DCLRE1C: variants seen among roughly 807,000 people sequenced by gnomAD.
The protein encoded by DCLRE1C is protein artemis.
In DCLRE1C, 47 loss-of-function variants were observed where a neutral mutation model predicts 61.4. The observed-to-expected ratio is 0.77, with a 90% CI of 0.61 to 0.98. DCLRE1C has a LOEUF of 0.98. Ranked by LOEUF, DCLRE1C falls within the 50% of genes least tolerant of loss-of-function variation. The pLI is 0.00. For synonymous variants in DCLRE1C, 337 were observed against 287.6 expected (o/e 1.17, Z -1.74); for missense variants, 858 against 816.0 (o/e 1.05, Z -0.63).
At chr10:14,920,420 G>A in intron 12 of DCLRE1C, 2 of 1,011,454 alleles carry the variant, frequency 2.0e-6, no homozygotes, top group Non-Finnish European at 2.4e-6. Context: ...CCTCCTGGCA[G>A]ATTCCGGGAA....
Position 14,906,143 on chromosome 10 carries a change from G to A in DCLRE1C, c.*2265C>T, listed in dbSNP as rs866811047. On this transcript the variant is annotated 3_prime_UTR_variant, in exon 14 of 14. Transcript: ENST00000378278. ...CATGGTCTCTGAAGCCAAACTGCCT[G>A]TGTTTGAATTCTGCCTGTGCCTCAT... Among the ~76,000 whole-genome samples, 1 of 152,206 alleles carries A rather than the reference G, an allele frequency of 6.6e-6. No individual in the cohort carries two copies. The highest frequency in any genetic ancestry group is 1.5e-5 in the Non-Finnish European group (1 of 68,038).
At chr10:14,930,298 T>A (rs1838762167) in intron 9 of DCLRE1C, among the ~76,000 whole-genome samples, 1 of 146,902 alleles carries the variant, frequency 6.8e-6, no homozygotes. Flanking sequence ...TTTTTTTTTT[T>A]TTTTTTGTAT....
intron 11 of DCLRE1C, 85 bp from the exon 12 acceptor site, chr10:14,923,154 A>T: frequency 9.8e-7 from 1 of 1,023,650 alleles, no homozygotes; most frequent in Non-Finnish European, 1.5e-6. Flanking sequence ...GGGGAAAGAG[A>T]AGCAGAACTC....
rs900953120 is a variant in DCLRE1C, at chr10:14,907,290, C to T, written c.*1118G>A. 6.7e-6 allele frequency among the ~76,000 whole-genome samples: 1 copy of T among 150,140 alleles called. No homozygotes were observed. Among genetic ancestry groups the T allele is most frequent in the Non-Finnish European group, 1.5e-5 (1 of 67,728 alleles). On this transcript the variant is annotated 3_prime_UTR_variant, in exon 14 of 14. Coordinates refer to ENST00000378278, the MANE Select transcript of DCLRE1C (RefSeq NM_001033855.3). ...ATTTTGTCTATAGCCATCAGTTTAT[C>T]ATACTAGATCCAAGTTTGTCAATTT... is the stretch of plus-strand genomic sequence containing the variant.
chr10:14,934,507 C>T lies in DCLRE1C; in HGVS notation c.551G>A (p.Ser184Asn). Residue 184 changes from serine to asparagine, a missense_variant, in exon 8 of 14, where the codon AGT becomes AAT. By Grantham distance (46) the Ser-to-Asn change is conservative. Transcript: ENST00000378278. ...GCTTCGGACCAGCTCTAAGACTCCACTTAAACACTCCTCCTAGACAGGATT... is the reference window on the plus strand; with the variant it reads ...GCTTCGGACCAGCTCTAAGACTCCATTTAAACACTCCTCCTAGACAGGATT... ...YQIPSREECL[S>N]GVLELVRSWI... 1 of 1,614,138 alleles carries T rather than the reference C, an allele frequency of 6.2e-7. No individual in the cohort carries two copies. The highest frequency in any genetic ancestry group is 8.5e-7 in the Non-Finnish European group (1 of 1,180,026).
chr10:14,920,555 T>G, intron 12 of DCLRE1C: 28 of 258,578 alleles, frequency 1.1e-4, no homozygotes, highest in South Asian at 1.4e-4. Context: ...TCTGGATCCA[T>G]CCCCTTCAAC....
chr10:14,945,471 G>C, intron 2 of DCLRE1C: 1 of 1,171,142 alleles, frequency 8.5e-7, no homozygotes, highest in Non-Finnish European at 1.1e-6. Context: ...AGAGCACAAG[G>C]TGGGGGTGGA....
chr10:14,926,458 C>A (rs907919085), intron 11 of DCLRE1C, among the ~76,000 whole-genome samples: 9 of 152,078 alleles, frequency 5.9e-5, no homozygotes, highest in African/African-American at 1.7e-4. Flanking sequence ...TCAAAACCAG[C>A]CTGGCCAATG....
In DCLRE1C at chr10:14,947,920, G is replaced by A. The variant is rs576896879; in HGVS notation, c.161+1116C>T. On this transcript the variant is annotated intron_variant, in intron 2 of 13. Transcript: ENST00000378278. Reference sequence around the variant, plus strand: ...CCGAAAATACAAAAAGTAGCTGGGCGTGGTGGTGGGTGCCTGTAATCCCAG... The same window carrying A: ...CCGAAAATACAAAAAGTAGCTGGGCATGGTGGTGGGTGCCTGTAATCCCAG... Among the ~76,000 whole-genome samples the A allele has an allele frequency of 8.1e-4, 123 of 152,234 alleles. 2 individuals are homozygous for A. Among genetic ancestry groups the A allele is most frequent in the Non-Finnish European group, 1.5e-3 (99 of 68,022 alleles).
intron 4 of DCLRE1C, 114 bp downstream of exon 4, chr10:14,939,696 G>C (rs1453512723): frequency 1.2e-6 from 1 of 851,168 alleles, no homozygotes. Context: ...CAAAGAGAAA[G>C]ATTGAGGGTA....
chr10:14,902,717 T>G (rs1024247221), downstream of DCLRE1C: 1 of 392,078 alleles, frequency 2.6e-6, no homozygotes, highest in Non-Finnish European at 4.7e-6. Context: ...GTCGACATAT[T>G]TATAGTGCTT....
At chr10:14,923,895 A>G (rs1442096793) in intron 11 of DCLRE1C, among the ~76,000 whole-genome samples, 4 of 152,206 alleles carry the variant, frequency 2.6e-5, no homozygotes, top group African/African-American at 9.6e-5. Context: ...GAAAAGACCA[A>G]GCAAGATCAA....
chr10:14,933,434 C>T (rs1193280326), intron 8 of DCLRE1C, among the ~76,000 whole-genome samples: 1 of 152,124 alleles, frequency 6.6e-6, no homozygotes, highest in Admixed American at 6.5e-5. Flanking sequence ...GTCAGGAGAT[C>T]GAGACCAGCC....
exon 14 of DCLRE1C, chr10:14,898,322 A>G (rs1400490931): frequency 6.7e-6 from 1 of 149,266 alleles, no homozygotes; most frequent in Non-Finnish European, 1.5e-5. Flanking sequence ...ACCGAGATTC[A>G]AAGCTCTAAA....
upstream of DCLRE1C, chr10:14,954,346 G>A: frequency 2.4e-6 from 1 of 421,490 alleles, no homozygotes; most frequent in Non-Finnish European, 4.4e-6. Flanking sequence ...GTCGCGGGAA[G>A]GGAAATCGAA....
chr10:14,898,850 T>TA (rs1833787996), exon 14 of DCLRE1C: 1 of 188,428 alleles, frequency 5.3e-6, no homozygotes, highest in African/African-American at 2.3e-5. Context: ...AATTTTCCAT[T>TA]TGTAACTGCA....
At chr10:14,920,827 CA>C (rs918396563) in intron 12 of DCLRE1C, among the ~76,000 whole-genome samples, 3 of 152,018 alleles carry the variant, frequency 2.0e-5, no homozygotes, top group Admixed American at 1.3e-4. Context: ...ATTAAAAATA[CA>C]AATATTAGCC....
intron 13 of DCLRE1C, among the ~76,000 whole-genome samples, chr10:14,910,832 T>A (rs1374308829): frequency 6.6e-6 from 1 of 152,070 alleles, no homozygotes; most frequent in African/African-American, 2.4e-5. Flanking sequence ...AAACTATCTC[T>A]CAAGAAAATG....
At chr10:14,920,544 C>T in intron 12 of DCLRE1C, 1 of 346,760 alleles carries the variant, frequency 2.9e-6, no homozygotes, top group Non-Finnish European at 4.1e-6. Flanking sequence ...CACAGCTGTT[C>T]TCTGGATCCA....
Sources: allele counts gnomAD v4.1 joint callset (sites outside exome capture counted in the v4.1 genomes callset), GRCh38; gene constraint gnomAD v4.1.1; transcripts MANE v1.5; gene names NCBI Gene and HGNC (gene_info 2026-07-23, HGNC 2026-07-21).